Variants in FHIT observed in about 807,000 individuals in gnomAD.
The protein encoded by FHIT is fragile histidine triad diadenosine triphosphatase.
Under a neutral mutation model 17.9 loss-of-function variants are expected in FHIT, and 19 were observed. The observed-to-expected ratio is 1.06, with a 90% confidence interval of 0.74 to 1.56. The LOEUF is 1.56. FHIT is among the 40% of genes most tolerant of loss of function. FHIT has a pLI of 0.00. For synonymous variants in FHIT, 81 were observed against 69.7 expected (o/e 1.16, Z -0.81); for missense variants, 248 against 189.2 (o/e 1.31, Z -1.82).
At chr3:60,667,164 T>C (rs9827546) in intron 4 of FHIT, among the ~76,000 whole-genome samples, 18,210 of 151,020 alleles carry the variant, frequency 0.12, 2,160 homozygotes, top group African/African-American at 0.31. Context: ...AGCCACCATG[T>C]CTGGCTGTCA....
At chr3:60,722,467 T>C (rs1056730466) in intron 4 of FHIT, among the ~76,000 whole-genome samples, 4 of 152,214 alleles carry the variant, frequency 2.6e-5, no homozygotes, top group Admixed American at 6.5e-5. Flanking sequence ...AGCTGCACTA[T>C]AAATATTCTC....
At chr3:60,183,387 G>A (rs1398452672) in intron 5 of FHIT, among the ~76,000 whole-genome samples, 1 of 152,180 alleles carries the variant, frequency 6.6e-6, no homozygotes, top group African/African-American at 2.4e-5. Flanking sequence ...AACAGAGTGA[G>A]ACTCTGTCTC....
intron 2 of FHIT, among the ~76,000 whole-genome samples, chr3:61,063,277 T>TA (rs1213251315): frequency 2.1e-5 from 2 of 96,872 alleles, no homozygotes; most frequent in Non-Finnish European, 5.1e-5. Flanking sequence ...AGATTAGTTT[T>TA]AAGTGAACCA....
chr3:60,680,060 G>A (rs1395612425), intron 4 of FHIT, among the ~76,000 whole-genome samples: 1 of 152,132 alleles, frequency 6.6e-6, no homozygotes, highest in African/African-American at 2.4e-5. Context: ...TTGTAAGTAT[G>A]TTGTGCACAT....
At chr3:60,042,245 T>C (rs1701471749) in intron 5 of FHIT, among the ~76,000 whole-genome samples, 1 of 152,216 alleles carries the variant, frequency 6.6e-6, no homozygotes. Flanking sequence ...CACACTACAC[T>C]GAAAAAGCAT....
At chr3:59,876,898 A>G (rs1037209249) in intron 8 of FHIT, among the ~76,000 whole-genome samples, 7 of 152,228 alleles carry the variant, frequency 4.6e-5, no homozygotes, top group Non-Finnish European at 8.8e-5. Context: ...GAATAGGAAG[A>G]TGATACAATT....
intron 4 of FHIT, among the ~76,000 whole-genome samples, chr3:60,762,682 T>C (rs901552531): frequency 2.6e-5 from 4 of 152,196 alleles, no homozygotes; most frequent in African/African-American, 9.7e-5. Context: ...AATTTTTAGA[T>C]GAGATTCATC....
intron 4 of FHIT, among the ~76,000 whole-genome samples, chr3:60,564,237 A>T (rs138295145): frequency 6.6e-6 from 1 of 152,272 alleles, no homozygotes; most frequent in African/African-American, 2.4e-5. Context: ...GAATTTTTTA[A>T]GCCCCCTCTT....
intron 3 of FHIT, among the ~76,000 whole-genome samples, chr3:60,941,482 A>G (rs549382199): frequency 6.6e-6 from 1 of 152,226 alleles, no homozygotes; most frequent in Non-Finnish European, 1.5e-5. Context: ...ATTTGCATTT[A>G]TAAGGGATGG....
At chr3:60,543,741 T>C (rs1248805952) in intron 4 of FHIT, among the ~76,000 whole-genome samples, 1 of 151,894 alleles carries the variant, frequency 6.6e-6, no homozygotes, top group African/African-American at 2.4e-5. Flanking sequence ...TTCTCTTTTT[T>C]GTTGTTGTTT....
chr3:59,944,852 T>A (rs905711678), intron 7 of FHIT, among the ~76,000 whole-genome samples: 2 of 152,218 alleles, frequency 1.3e-5, no homozygotes, highest in South Asian at 2.1e-4. Flanking sequence ...GCAGAGGACA[T>A]GATCTCATTC....
rs188821867 is a variant in FHIT, at chr3:60,298,252, C to T, written c.103+238608G>A. On this transcript the variant is annotated intron_variant, in intron 5 of 9. Coordinates refer to ENST00000492590, the MANE Select transcript of FHIT (RefSeq NM_002012.4). ...ACTGATGATCATCCAGACCTTCAGACCCTCTCCCCTCCCTAGAGTCAGGAG... is the reference window on the plus strand; with the variant it reads ...ACTGATGATCATCCAGACCTTCAGATCCTCTCCCCTCCCTAGAGTCAGGAG... Among the ~76,000 whole-genome samples, 26 of 152,174 alleles carry T rather than the reference C, an allele frequency of 1.7e-4. No homozygotes were observed. The East Asian group carries it at 4.4e-3, about 26-fold the overall frequency.
intron 4 of FHIT, among the ~76,000 whole-genome samples, chr3:60,695,560 C>T (rs1156560222): frequency 6.6e-6 from 1 of 152,200 alleles, no homozygotes; most frequent in Non-Finnish European, 1.5e-5. Flanking sequence ...TTTCCTACAT[C>T]TGTAAACTGG....
chr3:60,672,872 A>AGTGT (rs1227711388), intron 4 of FHIT, among the ~76,000 whole-genome samples: 1 of 10,580 alleles, frequency 9.5e-5, no homozygotes, highest in African/African-American at 3.0e-4. Flanking sequence ...ACCTCTTTGT[A>AGTGT]GCGTGTGTGT....
rs148356992 is a variant in FHIT at position 60,130,784 on chromosome 3, G to GTGTGTGTGTGTGT, written c.104-116633_104-116632insACACACACACACA. 1.5e-3 allele frequency among the ~76,000 whole-genome samples: 170 copies of GTGTGTGTGTGTGT among 111,722 alleles called. 1 individual carries two copies. Among genetic ancestry groups the GTGTGTGTGTGTGT allele is most frequent in the African/African-American group, 4.8e-3 (163 of 33,884 alleles). The allele number at this position is 111,722 out of a possible 152,430, so 73.3% of individuals were successfully genotyped here. ...TGTGTGTTTGTGTGTGTGTGTGTGTGGTGTGTATATACACACATATATATG... is the reference window on the plus strand; with the variant it reads ...TGTGTGTTTGTGTGTGTGTGTGTGTGTGTGTGTGTGTGTGTGTGTATATACACACATATATATG... On this transcript the variant is annotated intron_variant, in intron 5 of 9. Coordinates refer to ENST00000492590, the MANE Select transcript of FHIT (RefSeq NM_002012.4).
intron 8 of FHIT, among the ~76,000 whole-genome samples, chr3:59,839,368 TTA>T (rs1701451979): frequency 6.6e-6 from 1 of 151,840 alleles, no homozygotes; most frequent in Non-Finnish European, 1.5e-5. Context: ...CCTCTTATCA[TTA>T]GTACCATACA....
At chr3:60,507,513 A>G (rs2034782814) in intron 5 of FHIT, among the ~76,000 whole-genome samples, 1 of 152,220 alleles carries the variant, frequency 6.6e-6, no homozygotes, top group African/African-American at 2.4e-5. Flanking sequence ...CAACAACAGC[A>G]GCAACAACAA....
At chr3:61,138,684 A>G (rs761761308) in intron 2 of FHIT, among the ~76,000 whole-genome samples, 1 of 152,126 alleles carries the variant, frequency 6.6e-6, no homozygotes, top group Non-Finnish European at 1.5e-5. Flanking sequence ...CATCCTTCTA[A>G]CTCGGCTAAT....
intron 5 of FHIT, among the ~76,000 whole-genome samples, chr3:60,037,320 G>T (rs952759759): frequency 6.6e-6 from 1 of 151,678 alleles, no homozygotes; most frequent in African/African-American, 2.4e-5. Context: ...GCACTAGGAA[G>T]TCTCACCAGA....
Sources: allele counts gnomAD v4.1 joint callset (sites outside exome capture counted in the v4.1 genomes callset), GRCh38; gene constraint gnomAD v4.1.1; transcripts MANE v1.5; gene names NCBI Gene and HGNC (gene_info 2026-07-23, HGNC 2026-07-21).